Variants in PCLO observed in about 807,000 individuals in gnomAD.
PCLO encodes protein piccolo.
Under a neutral mutation model 427.5 loss-of-function variants are expected in PCLO, and 82 were observed. The observed-to-expected ratio is 0.19, with a 90% CI of 0.16 to 0.23. PCLO has a LOEUF of 0.23. Ranked by LOEUF, PCLO falls within the 10% of genes least tolerant of loss-of-function variation. The pLI is 1.00. For synonymous variants in PCLO, 2,357 were observed against 2,155.4 expected (o/e 1.09, Z -2.59); for missense variants, 6,239 against 6,115.9 (o/e 1.02, Z -0.67).
At chr7:82,768,829 T>C (rs1790586930) in intron 22 of PCLO, among the ~76,000 whole-genome samples, 1 of 152,172 alleles carries the variant, frequency 6.6e-6, no homozygotes, top group Non-Finnish European at 1.5e-5. Flanking sequence ...AATATGTGTA[T>C]GTGATATCTA....
chr7:82,947,129 C>T (rs1795221851), intron 6 of PCLO, among the ~76,000 whole-genome samples: 1 of 152,136 alleles, frequency 6.6e-6, no homozygotes, highest in African/African-American at 2.4e-5. Context: ...ACAATGACCT[C>T]CATTTTTCTC....
intron 3 of PCLO, among the ~76,000 whole-genome samples, chr7:82,993,390 A>T (rs374797492): frequency 6.6e-6 from 1 of 152,028 alleles, no homozygotes; most frequent in Admixed American, 6.6e-5. Context: ...TTGTTTCATA[A>T]TCAGGAGCAG....
At chr7:82,782,627 T>C (rs1162423061) in intron 22 of PCLO, among the ~76,000 whole-genome samples, 1 of 152,146 alleles carries the variant, frequency 6.6e-6, no homozygotes, top group East Asian at 1.9e-4. Context: ...ACTAAATGAA[T>C]TATGTATAAA....
chr7:83,056,178 T>C (rs1789374241), intron 3 of PCLO, among the ~76,000 whole-genome samples: 1 of 152,100 alleles, frequency 6.6e-6, no homozygotes, highest in African/African-American at 2.4e-5. Flanking sequence ...TCAGAATAAC[T>C]TTGGAGTAAA....
chr7:82,765,688 C>A (rs1459482976), intron 22 of PCLO, among the ~76,000 whole-genome samples: 4 of 152,114 alleles, frequency 2.6e-5, no homozygotes, highest in Admixed American at 6.6e-5. Context: ...AACTACAAAT[C>A]TCACCTTATA....
At chr7:82,859,463 G>A (rs1047792897) in intron 10 of PCLO, among the ~76,000 whole-genome samples, 2 of 152,154 alleles carry the variant, frequency 1.3e-5, no homozygotes, top group African/African-American at 4.8e-5. Flanking sequence ...GTCTCTGTCT[G>A]GTAATCCAGA....
intron 8 of PCLO, among the ~76,000 whole-genome samples, chr7:82,903,570 C>A (rs1794112282): frequency 6.6e-6 from 1 of 151,760 alleles, no homozygotes; most frequent in Admixed American, 6.6e-5. Flanking sequence ...CAAACTTGTG[C>A]TTTATATTTC....
intron 19 of PCLO, among the ~76,000 whole-genome samples, chr7:82,823,184 T>C (rs1791839427): frequency 6.6e-6 from 1 of 152,178 alleles, no homozygotes; most frequent in African/African-American, 2.4e-5. Context: ...TCATGCAGTA[T>C]GTTAAGCAAG....
intron 6 of PCLO, among the ~76,000 whole-genome samples, chr7:82,918,187 A>G (rs766962075): frequency 1.3e-5 from 2 of 151,980 alleles, no homozygotes; most frequent in Admixed American, 1.3e-4. Context: ...AGCAATCCCA[A>G]TGTATATGGA....
intron 10 of PCLO, among the ~76,000 whole-genome samples, chr7:82,848,679 C>T (rs781546949): frequency 2.1e-4 from 32 of 151,854 alleles, no homozygotes; most frequent in Non-Finnish European, 4.6e-4. Flanking sequence ...ATCATTGGCT[C>T]CAATGGGAAA....
Position 82,879,437 on chromosome 7 carries a change from C to A in PCLO, c.13554G>T (p.Val4518=). 1 of 1,603,198 alleles carries A rather than the reference C, an allele frequency of 6.2e-7. No homozygotes were observed. The highest frequency in any genetic ancestry group is 8.5e-7 in the Non-Finnish European group (1 of 1,171,922). The change falls in exon 10 of 25, where the codon GTG becomes GTT. Residue 4518 remains valine (V), a synonymous_variant. Coordinates refer to ENST00000333891, the MANE Select transcript of PCLO (RefSeq NM_033026.6). The stretch of plus-strand genomic sequence containing the variant: ...TATGTCCCGGGATTTCTTTACCACC[C>A]ACAATTCTAATTCCTAATCCATTAC... The part of the protein sequence containing the change: ...VSGNGLGIRI[V]GGKEIPGHSG...
chr7:82,976,885 T>G (rs537896502), intron 3 of PCLO, among the ~76,000 whole-genome samples: 11 of 152,312 alleles, frequency 7.2e-5, no homozygotes, highest in Non-Finnish European at 1.3e-4. Context: ...TTTTTCTTTT[T>G]GAAACATTTT....
intron 20 of PCLO, among the ~76,000 whole-genome samples, chr7:82,810,172 A>G (rs1291697912): frequency 2.0e-5 from 3 of 151,504 alleles, no homozygotes; most frequent in African/African-American, 7.3e-5. Flanking sequence ...GGGAAATAAT[A>G]TTTTAAACAC....
At position 82,952,574 on chromosome 7, in the gene PCLO, C is replaced by T; in HGVS notation, c.8379G>A (p.Glu2793=). The T allele has an allele frequency of 1.2e-6, 2 of 1,613,912 alleles. No individual in the cohort carries two copies. Among genetic ancestry groups the T allele is most frequent in the Non-Finnish European group, 1.7e-6 (2 of 1,179,838 alleles). ...CTGTGCATGTGACAAAGGTCACTGT[C>T]TCAGTGGCCAGAGATACAGGAGTCA... is the stretch of plus-strand genomic sequence containing the variant. The part of the protein sequence containing the change: ...SIVTPVSLAT[E]TVTFVTCTAS... Residue 2793 remains glutamate (E), a synonymous_variant, in exon 5 of 25, where the codon GAG becomes GAA. Coordinates refer to ENST00000333891, the MANE Select transcript of PCLO (RefSeq NM_033026.6).
chr7:82,822,281 A>T, intron 20 of PCLO: 1 of 1,401,434 alleles, frequency 7.1e-7, no homozygotes, highest in Non-Finnish European at 9.3e-7. Context: ...AAGGAGAAAC[A>T]GCCAGTTTTA....
chr7:82,918,062 A>C (rs1794509265), intron 6 of PCLO, among the ~76,000 whole-genome samples: 1 of 151,982 alleles, frequency 6.6e-6, no homozygotes, highest in South Asian at 2.1e-4. Context: ...CTAAAGGTTT[A>C]TTGAAGTTTA....
At chr7:83,016,292 C>T (rs892498625) in intron 3 of PCLO, among the ~76,000 whole-genome samples, 16 of 151,990 alleles carry the variant, frequency 1.1e-4, no homozygotes, top group Non-Finnish European at 1.5e-4. Flanking sequence ...CAAATAGTAA[C>T]CTGAAATCAG....
Position 82,966,098 on chromosome 7 carries a change from T to C in PCLO, c.3690A>G (p.Glu1230=). 2 of 1,610,672 alleles carry C rather than the reference T, an allele frequency of 1.2e-6. No individual in the cohort carries two copies. Among genetic ancestry groups the C allele is most frequent in the South Asian group, 1.1e-5 (1 of 90,294 alleles). Residue 1230 remains glutamate, a synonymous_variant, in exon 4 of 25, where the codon GAA becomes GAG. Transcript: ENST00000333891. ...LIPEEEKIRS[E]EKKPLLEEKK... Reference sequence around the variant, plus strand: ...TTTCTTCTAGGAGTGGCTTTTTTTCTTCAGAACGTATCTTTTCTTCTTCAG... The same window carrying C: ...TTTCTTCTAGGAGTGGCTTTTTTTCCTCAGAACGTATCTTTTCTTCTTCAG...
chr7:82,952,736 T>G lies in PCLO; in HGVS notation c.8217A>C (p.Lys2739Asn). The G allele has an allele frequency of 6.2e-7, 1 of 1,613,700 alleles. No individual in the cohort carries two copies. Residue 2739 changes from lysine (K) to asparagine (N), a missense_variant, in exon 5 of 25, where the codon AAA becomes AAC. By Grantham distance (94) the Lys-to-Asn change is moderately conservative. Transcript: ENST00000333891. ...AAAGATCAATACATTTATCAGTTGT[T>G]TTAACTTCTACCTTTGGTACTGTAC... is the stretch of plus-strand genomic sequence containing the variant. ...DLRTVPKVEV[K>N]TTDKCIDLSA...
Sources: allele counts gnomAD v4.1 joint callset (sites outside exome capture counted in the v4.1 genomes callset), GRCh38; gene constraint gnomAD v4.1.1; transcripts MANE v1.5; gene names NCBI Gene and HGNC (gene_info 2026-07-23, HGNC 2026-07-21).